Variants in CHUK observed in about 807,000 individuals in gnomAD.
The protein encoded by CHUK is component of inhibitor of nuclear factor kappa B kinase complex.
CHUK carries 35 observed loss-of-function variants against 104.8 expected under a neutral mutation model. The observed-to-expected ratio is 0.33, with a 90% CI of 0.26 to 0.44. The LOEUF (loss-of-function observed/expected upper bound fraction) is 0.44, where lower values mean the gene tolerates loss of function less well. CHUK is among the 20% of genes least tolerant of loss of function. CHUK has a pLI of 1.00. For missense variants in CHUK, 663 were observed against 902.7 expected (o/e 0.73, Z 3.40); for synonymous variants, 276 against 291.9 (o/e 0.95, Z 0.56).
chr10:100,198,004 A>C (rs1845376791), intron 16 of CHUK, among the ~76,000 whole-genome samples: 1 of 152,266 alleles, frequency 6.6e-6, no homozygotes, highest in Non-Finnish European at 1.5e-5. Flanking sequence ...CTGTCATTCC[A>C]GCTGGTAAAT....
chr10:100,204,365 T>A, intron 13 of CHUK, 141 bp downstream of exon 13: 1 of 715,060 alleles, frequency 1.4e-6, no homozygotes, highest in Non-Finnish European at 2.5e-6. Context: ...AAAACAAACA[T>A]GGTTTATGTT....
Position 100,226,886 on chromosome 10 carries a change from G to A in CHUK, c.106-869C>T, listed in dbSNP as rs143721117. ...AGCAAGACATAGCTTGGATAGGGTA[G>A]TGTGAATTGGAGGGTGAGAGGAAAA... On this transcript the variant is annotated intron_variant, in intron 1 of 20. Coordinates refer to ENST00000370397, the MANE Select transcript of CHUK (RefSeq NM_001278.5). Among the ~76,000 whole-genome samples, 290 of 152,308 alleles carry A rather than the reference G, an allele frequency of 1.9e-3. 1 individual carries two copies. Among genetic ancestry groups the A allele is most frequent in the African/African-American group, 6.7e-3 (278 of 41,550 alleles).
chr10:100,195,149 T>C (rs189900509), intron 16 of CHUK: 2 of 152,314 alleles, frequency 1.3e-5, no homozygotes, highest in East Asian at 3.9e-4. Flanking sequence ...TTCTACAGTT[T>C]AAAATGTGAC....
intron 19 of CHUK, 65 bp downstream of exon 19, chr10:100,193,233 T>C: frequency 6.4e-7 from 1 of 1,565,176 alleles, no homozygotes; most frequent in African/African-American, 1.4e-5. Context: ...CCTTAACAAC[T>C]ACTGCCTCAT....
intron 1 of CHUK, 59 bp downstream of exon 1, chr10:100,229,369 G>T: frequency 1.6e-6 from 2 of 1,271,794 alleles, no homozygotes; most frequent in Non-Finnish European, 1.1e-6. Context: ...GTGTTCCACA[G>T]ACGCTCAAAC....
At chr10:100,194,379 T>G (rs1357873421) in intron 17 of CHUK, 46 bp downstream of exon 17, 2 of 1,360,368 alleles carry the variant, frequency 1.5e-6, no homozygotes, top group Middle Eastern at 1.8e-4. Context: ...AGGAACAAGA[T>G]AAACGTATCC....
chr10:100,206,660 A>C (rs1845597388), intron 11 of CHUK, among the ~76,000 whole-genome samples: 1 of 152,222 alleles, frequency 6.6e-6, no homozygotes, highest in African/African-American at 2.4e-5. Context: ...ATTTCACTCT[A>C]TGTAAACTGC....
At chr10:100,186,332 C>T (rs1844991544), downstream of CHUK, 2 of 320,038 alleles carry the variant, frequency 6.2e-6, no homozygotes, top group Non-Finnish European at 5.7e-6. Flanking sequence ...GGTAGCTGTT[C>T]GGTTTATTTG....
At chr10:100,211,245 CT>C (rs59662551) in intron 9 of CHUK, among the ~76,000 whole-genome samples, 7,441 of 152,184 alleles carry the variant, frequency 0.049, 606 homozygotes, top group African/African-American at 0.17. Context: ...TCATAACCCC[CT>C]CTCCTGATTT....
intron 5 of CHUK, 27 bp from the exon 6 acceptor site, chr10:100,219,386 AT>A: frequency 8.3e-7 from 1 of 1,204,558 alleles, no homozygotes; most frequent in Non-Finnish European, 1.2e-6. Flanking sequence ...CAGATTAAGT[AT>A]TAAATGGTAG....
chr10:100,208,378 T>C (rs1020939643), intron 10 of CHUK, among the ~76,000 whole-genome samples: 2 of 151,684 alleles, frequency 1.3e-5, no homozygotes, highest in African/African-American at 4.8e-5. Context: ...AGTCCCGGGA[T>C]TACAGGCATG....
At chr10:100,193,139 C>T (rs2134206022) in intron 19 of CHUK, 159 bp downstream of exon 19, 1 of 765,996 alleles carries the variant, frequency 1.3e-6, no homozygotes, top group East Asian at 2.6e-5. Flanking sequence ...GAAATATGAA[C>T]ATCAAAAAAG....
intron 11 of CHUK, 36 bp from the exon 12 acceptor site, chr10:100,205,235 G>A: frequency 1.9e-6 from 3 of 1,610,312 alleles, no homozygotes; most frequent in Non-Finnish European, 2.5e-6. Flanking sequence ...GGCAAGGGAG[G>A]TTAGTTACTT....
Position 100,202,114 on chromosome 10 carries a change from C to G in CHUK, c.1543G>C (p.Glu515Gln). The G allele has an allele frequency of 6.2e-7, 1 of 1,612,630 alleles. No homozygotes were observed. The highest frequency in any genetic ancestry group is 8.5e-7 in the Non-Finnish European group (1 of 1,178,966). ...EKMLKAWKEM[E>Q]EKAIHYAEVG... Reference sequence around the variant, plus strand: ...TCAGCATAGTGGATGGCCTTTTCTTCCATTTCTTTCCATGCTTTTAGCATT... The same window carrying G: ...TCAGCATAGTGGATGGCCTTTTCTTGCATTTCTTTCCATGCTTTTAGCATT... The change falls in exon 14 of 21, where the codon GAA (glutamate) becomes CAA (glutamine). Residue 515 changes from glutamate (E) to glutamine (Q), a missense_variant. Glu to Gln is a conservative substitution (Grantham distance 29). Around this residue, in one of 5 missense-constraint regions of CHUK, gnomAD observed 311 missense variants for 393.4 expected, o/e 0.79. Transcript: ENST00000370397.
intron 11 of CHUK, among the ~76,000 whole-genome samples, 166 bp downstream of exon 11, chr10:100,207,064 A>C (rs1488641087): frequency 6.6e-6 from 1 of 152,212 alleles, no homozygotes; most frequent in African/African-American, 2.4e-5. Context: ...TTCACCTTCC[A>C]AACTATATAA....
Position 100,193,371 on chromosome 10 carries a change from T to C in CHUK, c.2035A>G (p.Thr679Ala), listed in dbSNP as rs1390679543. 6.2e-7 allele frequency: 1 copy of C among 1,613,994 alleles called. No individual in the cohort carries two copies. Among genetic ancestry groups the C allele is most frequent in the African/African-American group, 1.3e-5 (1 of 74,936 alleles). The part of the protein sequence containing the change: ...SSLEGAVTPQ[T>A]SAWLPPTSAE... The stretch of plus-strand genomic sequence containing the variant: ...GAAGTCGGGGGCAGCCATGCTGATG[T>C]CTGAGGGGTTACTGCACCTTCTAGA... Residue 679 changes from threonine (T) to alanine (A), a missense_variant, in exon 19 of 21, where the codon ACA becomes GCA. Coordinates refer to ENST00000370397, the MANE Select transcript of CHUK (RefSeq NM_001278.5).
chr10:100,187,857 T>C (rs1261889659), downstream of CHUK: 1 of 152,238 alleles, frequency 6.6e-6, no homozygotes, highest in African/African-American at 2.4e-5. Flanking sequence ...ATTGCAATGC[T>C]TGGATGGCTT....
Position 100,205,071 on chromosome 10 carries a change from C to T in CHUK, c.1355+5G>A. 1 of 1,614,106 alleles carries T rather than the reference C, an allele frequency of 6.2e-7. No homozygotes were observed. The highest frequency in any genetic ancestry group is 8.5e-7 in the Non-Finnish European group (1 of 1,179,990). ...TTGTGCTTATAAACAACAGAATCCA[C>T]TTACATTGCTGCCCTTTGTCCCTGA... On this transcript the variant is annotated splice_donor_5th_base_variant and intron_variant, in intron 12 of 20. Coordinates refer to ENST00000370397, the MANE Select transcript of CHUK (RefSeq NM_001278.5).
At chr10:100,228,351 T>C (rs2134257189) in intron 1 of CHUK, among the ~76,000 whole-genome samples, 1 of 152,282 alleles carries the variant, frequency 6.6e-6, no homozygotes, top group Non-Finnish European at 1.5e-5. Context: ...TTTATCGGTA[T>C]ATCAAAAAAT....
Sources: gnomAD v4.1 joint callset for allele counts (sites outside exome capture counted in the v4.1 genomes callset) on GRCh38, gnomAD v4.1.1 for gene constraint, gnomAD v4.1.1 regional missense constraint, MANE v1.5 for transcripts, NCBI Gene and HGNC (gene_info 2026-07-23, HGNC 2026-07-21) for gene names.